The following IL1RAPL2 variants were observed in gnomAD, a reference collection of about 807,000 sequenced individuals.
IL1RAPL2 encodes the protein interleukin 1 receptor accessory protein like 2.
In IL1RAPL2, 3 loss-of-function variants were observed where a neutral mutation model predicts 44.1. The observed-to-expected ratio is 0.07, with a 90% CI of 0.03 to 0.18. IL1RAPL2 has a LOEUF of 0.18. Among genes scored for constraint, IL1RAPL2 ranks in the 10% least tolerant of loss-of-function variants. The pLI, the probability that IL1RAPL2 is intolerant of heterozygous loss-of-function variation, is 1.00. For missense variants in IL1RAPL2, 391 were observed against 496.4 expected, an observed-to-expected ratio of 0.79 and a Z score of 2.02; for synonymous variants, 181 against 178.8, an observed-to-expected ratio of 1.01 and a Z score of -0.10.
intron 5 of IL1RAPL2, among the ~76,000 whole-genome samples, chrX:105,316,011 C>T (rs1165987255): frequency 1.8e-5 from 2 of 111,188 alleles, no homozygotes; most frequent in African/African-American, 6.5e-5. Flanking sequence ...CAGTGGCTCA[C>T]ACCTGTAATC....
At chrX:104,614,074 T>G (rs1281415213) in intron 1 of IL1RAPL2, among the ~76,000 whole-genome samples, 1 of 111,302 alleles carries the variant, frequency 9.0e-6, no homozygotes, top group Non-Finnish European at 1.9e-5. Flanking sequence ...TATTTGGACC[T>G]TCTCTCTTTT....
chrX:105,251,806 A>G (rs1476918272), intron 4 of IL1RAPL2, among the ~76,000 whole-genome samples: 1 of 110,675 alleles, frequency 9.0e-6, no homozygotes, highest in Non-Finnish European at 1.9e-5. Context: ...GACATGTTAT[A>G]AAAGTTTAAT....
chrX:104,585,228 G>A (rs867496276), intron 1 of IL1RAPL2, among the ~76,000 whole-genome samples: 8 of 45,052 alleles, frequency 1.8e-4, no homozygotes, highest in African/African-American at 1.1e-3. Context: ...ATGTATATAT[G>A]TGTATATATA....
intron 2 of IL1RAPL2, among the ~76,000 whole-genome samples, chrX:105,116,320 T>C (rs1427973818): frequency 8.9e-6 from 1 of 112,939 alleles, no homozygotes; most frequent in Non-Finnish European, 1.9e-5. Context: ...TGTTTGATCT[T>C]TAAAATTAAG....
rs35332052 is a variant in IL1RAPL2, at chrX:104,840,851, AT to A, written c.82+181866del. On this transcript the variant is annotated intron_variant, in intron 2 of 10. Transcript: ENST00000372582. ...TACCACACCCAGTTATTATTTATTTATTTTTTTTTTGTATTTTTAGTAGAGA... is the reference window on the plus strand; with the variant it reads ...TACCACACCCAGTTATTATTTATTTATTTTTTTTTGTATTTTTAGTAGAGA... Among the ~76,000 whole-genome samples the A allele has an allele frequency of 1.3e-3, 134 of 103,165 alleles. 2 individuals are homozygous for A. In the South Asian group the frequency reaches 0.024, roughly 19 times the overall value. The allele number at this position is 103,165 out of a possible 115,157, so 89.6% of individuals were successfully genotyped here. A position where few individuals can be genotyped will look rare whatever the true frequency, so the allele number is the denominator to read the frequency against.
chrX:105,105,206 A>C (rs1308234649), intron 2 of IL1RAPL2, among the ~76,000 whole-genome samples: 2 of 112,057 alleles, frequency 1.8e-5, no homozygotes, highest in Non-Finnish European at 3.8e-5. Flanking sequence ...TCTTATTAAG[A>C]TATAACTACT....
At chrX:104,660,076 A>G (rs1332297392) in intron 2 of IL1RAPL2, among the ~76,000 whole-genome samples, 10 of 111,823 alleles carry the variant, frequency 8.9e-5, no homozygotes. Flanking sequence ...TGATAAAGAT[A>G]GGGCAATATA....
At chrX:104,868,275 C>T (rs946967897) in intron 2 of IL1RAPL2, among the ~76,000 whole-genome samples, 2 of 111,843 alleles carry the variant, frequency 1.8e-5, no homozygotes, top group African/African-American at 6.5e-5. Flanking sequence ...TCTTGATATG[C>T]TAGTAGCAAG....
chrX:104,818,031 G>A (rs1487284034), intron 2 of IL1RAPL2, among the ~76,000 whole-genome samples: 1 of 110,551 alleles, frequency 9.0e-6, no homozygotes. Context: ...GACATGTTGA[G>A]TGTGAGATGC....
chrX:105,747,792 A>T (rs982423867), intron 8 of IL1RAPL2, among the ~76,000 whole-genome samples: 2 of 109,233 alleles, frequency 1.8e-5, no homozygotes, highest in Admixed American at 2.0e-4. Flanking sequence ...AGACTGACTG[A>T]TGCCAACTAA....
chrX:105,143,776 G>A (rs974617561), intron 2 of IL1RAPL2, among the ~76,000 whole-genome samples: 19 of 110,549 alleles, frequency 1.7e-4, no homozygotes, highest in Non-Finnish European at 2.8e-4. Context: ...CATCATAGGT[G>A]GGAATTGAAC....
At chrX:105,018,174 G>C (rs1045387626) in intron 2 of IL1RAPL2, among the ~76,000 whole-genome samples, 1 of 111,517 alleles carries the variant, frequency 9.0e-6, no homozygotes, top group African/African-American at 3.3e-5. Flanking sequence ...TTCATAGATT[G>C]GTCTTTCAGA....
At chrX:105,374,115 CAAAAAAAAAA>C (rs1177602549) in intron 5 of IL1RAPL2, among the ~76,000 whole-genome samples, 1 of 45,365 alleles carries the variant, frequency 2.2e-5, no homozygotes, top group Non-Finnish European at 5.5e-5. Flanking sequence ...GCAAGACTGT[CAAAAAAAAAA>C]AAAAAAAAAA....
At chrX:105,472,258 T>C (rs903171147) in intron 5 of IL1RAPL2, among the ~76,000 whole-genome samples, 1 of 111,920 alleles carries the variant, frequency 8.9e-6, no homozygotes, top group Admixed American at 9.5e-5. Context: ...GAACCCAATT[T>C]CTTGACAAAG....
chrX:105,581,121 G>A (rs1294175394), intron 6 of IL1RAPL2, among the ~76,000 whole-genome samples: 4 of 110,940 alleles, frequency 3.6e-5, no homozygotes, highest in Non-Finnish European at 7.6e-5. Flanking sequence ...CTATAAAGGG[G>A]ATTAACTTCA....
chrX:104,573,297 C>T (rs936282126), intron 1 of IL1RAPL2, among the ~76,000 whole-genome samples: 4 of 112,029 alleles, frequency 3.6e-5, no homozygotes, highest in Non-Finnish European at 7.5e-5. Flanking sequence ...AAACTGATTA[C>T]AATTAAATAA....
chrX:105,751,970 T>C (rs1257395557), intron 9 of IL1RAPL2, among the ~76,000 whole-genome samples: 1 of 112,186 alleles, frequency 8.9e-6, no homozygotes, highest in East Asian at 2.8e-4. Flanking sequence ...TAGTATTTCC[T>C]AAAAGTTATT....
chrX:104,855,681 G>GTTTTT (rs1556002120), intron 2 of IL1RAPL2, among the ~76,000 whole-genome samples: 1 of 53,880 alleles, frequency 1.9e-5, no homozygotes, highest in African/African-American at 6.1e-5. Flanking sequence ...ATCTGGATCC[G>GTTTTT]TTTTTTTTTT....
chrX:104,745,445 A>C (rs967621796), intron 2 of IL1RAPL2, among the ~76,000 whole-genome samples: 5 of 112,277 alleles, frequency 4.5e-5, no homozygotes, highest in African/African-American at 1.6e-4. Flanking sequence ...TGATTAGATA[A>C]AAATAAAAGT....
Sources: allele counts gnomAD v4.1 joint callset (sites outside exome capture counted in the v4.1 genomes callset), GRCh38; gene constraint gnomAD v4.1.1; transcripts MANE v1.5; gene names NCBI Gene and HGNC (gene_info 2026-07-23, HGNC 2026-07-21).